Variants in RNASE2 observed in about 807,000 individuals in gnomAD.
RNASE2 encodes the protein non-secretory ribonuclease.
For missense variants in RNASE2, 170 were observed against 197.9 expected, an observed-to-expected ratio of 0.86 and a Z score of 0.85; for synonymous variants, 67 against 68.9, an observed-to-expected ratio of 0.97 and a Z score of 0.13.
At chr14:20,955,741 T>A in intron 1 of RNASE2, 26 bp from the exon 2 acceptor site, 3 of 1,576,858 alleles carry the variant, frequency 1.9e-6, no homozygotes, top group Non-Finnish European at 2.6e-6. Context: ...GATCAGGGAG[T>A]AGTTACTTCT....
In RNASE2 at chr14:20,956,061, A is replaced by C; in HGVS notation, c.290A>C (p.Asn97Thr). Residue 97 changes from asparagine (N) to threonine (T), a missense_variant, in exon 2 of 2, where the codon AAT (asparagine) becomes ACT (threonine). Asn to Thr is a moderately conservative substitution (Grantham distance 65). Transcript: ENST00000304625. ...MTCPSNKTRK[N>T]CHHSGSQVPL... is the part of the protein sequence containing the mutation. ...TGTCCTAGTAACAAAACTCGCAAAA[A>C]TTGTCACCACAGTGGAAGCCAGGTG... The C allele has an allele frequency of 6.2e-7, 1 of 1,614,224 alleles. No individual in the cohort carries two copies. The highest frequency in any genetic ancestry group is 8.5e-7 in the Non-Finnish European group (1 of 1,180,042).
intron 1 of RNASE2, 60 bp downstream of exon 1, chr14:20,955,596 G>C: frequency 1.2e-6 from 1 of 824,022 alleles, no homozygotes; most frequent in Non-Finnish European, 1.9e-6. Flanking sequence ...GCAACTGAGG[G>C]AGAAGAGAGC....
In RNASE2 at chr14:20,956,048, A is replaced by G; in HGVS notation, c.277A>G (p.Lys93Glu). The G allele has an allele frequency of 6.2e-7, 1 of 1,614,244 alleles. No individual in the cohort carries two copies. Among genetic ancestry groups the G allele is most frequent in the South Asian group, 1.1e-5 (1 of 91,084 alleles). Residue 93 changes from lysine (K) to glutamate (E), a missense_variant, in exon 2 of 2, where the codon AAA (lysine) becomes GAA (glutamate). Lys to Glu is a moderately conservative substitution (Grantham distance 56, BLOSUM62 1). Coordinates refer to ENST00000304625, the MANE Select transcript of RNASE2 (RefSeq NM_002934.3). ...GNPNMTCPSN[K>E]TRKNCHHSGS... Reference sequence around the variant, plus strand: ...CCCAAATATGACCTGTCCTAGTAACAAAACTCGCAAAAATTGTCACCACAG... The same window carrying G: ...CCCAAATATGACCTGTCCTAGTAACGAAACTCGCAAAAATTGTCACCACAG...
In RNASE2 at chr14:20,956,401, C is replaced by T. The variant is rs887023202; in HGVS notation, c.*144C>T. On this transcript the variant is annotated 3_prime_UTR_variant, in exon 2 of 2. Coordinates refer to ENST00000304625, the MANE Select transcript of RNASE2 (RefSeq NM_002934.3). Reference sequence around the variant, plus strand: ...CTTCAGCTTTCCTGAGCTGAAGTGCCTTGTGAACCCTGCAATAAACTGCTT... The same window carrying T: ...CTTCAGCTTTCCTGAGCTGAAGTGCTTTGTGAACCCTGCAATAAACTGCTT... 26 of 1,193,468 alleles carry T rather than the reference C, an allele frequency of 2.2e-5. No homozygotes were observed. The highest frequency in any genetic ancestry group is 3.1e-5 in the Non-Finnish European group (26 of 842,058). 73.9% of individuals were successfully genotyped at this position (1,193,468 alleles called of 1,614,324 possible).
At position 20,956,360 on chromosome 14, in the gene RNASE2, A is replaced by C. The variant is rs991668278; in HGVS notation, c.*103A>C. 6.7e-7 allele frequency: 1 copy of C among 1,499,068 alleles called. No individual in the cohort carries two copies. The highest frequency in any genetic ancestry group is 1.3e-5 in the South Asian group (1 of 76,478). The allele number at this position is 1,499,068 out of a possible 1,614,324, so 92.9% of individuals were successfully genotyped here. A position where few individuals can be genotyped will look rare whatever the true frequency, so the allele number is the denominator to read the frequency against. ...ACTTTGGGTATCAGCATCTGTCCTC[A>C]TCAGTCTCCATACCCCTTCAGCTTT... On this transcript the variant is annotated 3_prime_UTR_variant, in exon 2 of 2. Transcript: ENST00000304625.
chr14:20,956,338 T>G lies in RNASE2; in HGVS notation c.*81T>G. 1 of 1,562,522 alleles carries G rather than the reference T, an allele frequency of 6.4e-7. No individual in the cohort carries two copies. The highest frequency in any genetic ancestry group is 8.7e-7 in the Non-Finnish European group (1 of 1,153,668). On this transcript the variant is annotated 3_prime_UTR_variant, in exon 2 of 2. Coordinates refer to ENST00000304625, the MANE Select transcript of RNASE2 (RefSeq NM_002934.3). The stretch of plus-strand genomic sequence containing the variant: ...CCAAGATCCCATCTCTCCATATACT[T>G]TGGGTATCAGCATCTGTCCTCATCA...
intron 1 of RNASE2, 32 bp downstream of exon 1, chr14:20,955,568 A>AGGGGCAGCAAT: frequency 1.5e-6 from 1 of 645,356 alleles, no homozygotes; most frequent in East Asian, 2.7e-5. Flanking sequence ...CTGGGACAGA[A>AGGGGCAGCAAT]GGGGCAGCAA....
In RNASE2 at chr14:20,955,918, A is replaced by C. The variant is rs185582106; in HGVS notation, c.147A>C (p.Gln49His). ...AGCACATCAATATGACCTCCCAGCA[A>C]TGCACCAATGCAATGCAGGTCATTA... ...ETQHINMTSQ[Q>H]CTNAMQVINN... Residue 49 changes from glutamine (Q) to histidine (H), a missense_variant, in exon 2 of 2, where the codon CAA becomes CAC. Coordinates refer to ENST00000304625, the MANE Select transcript of RNASE2 (RefSeq NM_002934.3). 1 of 1,614,192 alleles carries C rather than the reference A, an allele frequency of 6.2e-7. No individual in the cohort carries two copies. The highest frequency in any genetic ancestry group is 8.5e-7 in the Non-Finnish European group (1 of 1,180,010).
rs751391803 is a variant in RNASE2 at position 20,955,952 on chromosome 14, C to T, written c.181C>T (p.Gln61Ter). Reference protein sequence around the residue: ...TNAMQVINNYQRRCKNQNTFL... With the variant: ...TNAMQVINNY ...TGCAATGCAGGTCATTAACAATTAT[C>T]AACGGCGATGCAAAAACCAAAATAC... Residue 61 changes from glutamine (Q) to a stop codon, truncating the protein, a stop_gained, in exon 2 of 2, where the codon CAA (glutamine) becomes TAA (stop). Transcript: ENST00000304625. LOFTEE classifies it low-confidence loss of function (END_TRUNC). The T allele has an allele frequency of 6.2e-7, 1 of 1,614,182 alleles. No individual in the cohort carries two copies.
At chr14:20,955,652 T>C in intron 1 of RNASE2, 115 bp from the exon 2 acceptor site, 1 of 1,357,298 alleles carries the variant, frequency 7.4e-7, no homozygotes, top group African/African-American at 1.5e-5. Context: ...AGACAGGAAG[T>C]AAAGGAAATG....
intron 1 of RNASE2, 74 bp downstream of exon 1, chr14:20,955,610 C>A: frequency 2.2e-6 from 2 of 913,256 alleles, no homozygotes; most frequent in South Asian, 1.7e-5. Context: ...AGAGAGCTGA[C>A]GTTAGTGCTT....
intron 1 of RNASE2, 45 bp downstream of exon 1, chr14:20,955,581 G>C: frequency 1.4e-6 from 1 of 714,504 alleles, no homozygotes; most frequent in Non-Finnish European, 2.3e-6. Flanking sequence ...GGCAGCAATG[G>C]GGCAGCAACT....
chr14:20,956,344 A>T lies in RNASE2; in HGVS notation c.*87A>T. On this transcript the variant is annotated 3_prime_UTR_variant, in exon 2 of 2. Coordinates refer to ENST00000304625, the MANE Select transcript of RNASE2 (RefSeq NM_002934.3). The stretch of plus-strand genomic sequence containing the variant: ...TCCCATCTCTCCATATACTTTGGGT[A>T]TCAGCATCTGTCCTCATCAGTCTCC... The T allele has an allele frequency of 6.4e-7, 1 of 1,553,680 alleles. No individual in the cohort carries two copies. Among genetic ancestry groups the T allele is most frequent in the South Asian group, 1.2e-5 (1 of 80,130 alleles).
chr14:20,956,409 C>G lies in RNASE2; in HGVS notation c.*152C>G, dbSNP rs939947482. ...TTCCTGAGCTGAAGTGCCTTGTGAA[C>G]CCTGCAATAAACTGCTTTGCAAATT... is the stretch of plus-strand genomic sequence containing the variant. On this transcript the variant is annotated 3_prime_UTR_variant, in exon 2 of 2. Coordinates refer to ENST00000304625, the MANE Select transcript of RNASE2 (RefSeq NM_002934.3). 3 of 1,137,602 alleles carry G rather than the reference C, an allele frequency of 2.6e-6. No homozygotes were observed. The highest frequency in any genetic ancestry group is 1.5e-5 in the South Asian group (1 of 64,942). 70.5% of individuals were successfully genotyped at this position (1,137,602 alleles called of 1,614,324 possible).
Position 20,955,911 on chromosome 14 carries a change from C to T in RNASE2, c.140C>T (p.Ser47Phe), listed in dbSNP as rs1237034923. The T allele has an allele frequency of 6.2e-7, 1 of 1,614,188 alleles. No homozygotes were observed. The highest frequency in any genetic ancestry group is 1.7e-5 in the Admixed American group (1 of 60,028). Residue 47 changes from serine to phenylalanine, a missense_variant, in exon 2 of 2, where the codon TCC becomes TTC. Physicochemically the swap from Ser to Phe is radical, Grantham distance 155. Coordinates refer to ENST00000304625, the MANE Select transcript of RNASE2 (RefSeq NM_002934.3). ...GAAACCCAGCACATCAATATGACCT[C>T]CCAGCAATGCACCAATGCAATGCAG... is the stretch of plus-strand genomic sequence containing the variant. ...WFETQHINMT[S>F]QQCTNAMQVI...
chr14:20,955,730 C>G, intron 1 of RNASE2, 37 bp from the exon 2 acceptor site: 3 of 1,567,776 alleles, frequency 1.9e-6, no homozygotes, highest in Non-Finnish European at 1.7e-6. Flanking sequence ...AACCAAGACC[C>G]GATCAGGGAG....
chr14:20,956,098 C>G lies in RNASE2; in HGVS notation c.327C>G (p.His109Gln), dbSNP rs1462676835. 1 of 1,614,122 alleles carries G rather than the reference C, an allele frequency of 6.2e-7. No homozygotes were observed. The highest frequency in any genetic ancestry group is 8.5e-7 in the Non-Finnish European group (1 of 1,180,052). The change falls in exon 2 of 2, where the codon CAC becomes CAG. Residue 109 changes from histidine (H) to glutamine (Q), a missense_variant. Physicochemically the swap from His to Gln is conservative, Grantham distance 24. Coordinates refer to ENST00000304625, the MANE Select transcript of RNASE2 (RefSeq NM_002934.3). ...GTGGAAGCCAGGTGCCTTTAATCCA[C>G]TGTAACCTCACAACTCCAAGTCCAC... ...HHSGSQVPLI[H>Q]CNLTTPSPQN...
chr14:20,955,695 G>A, intron 1 of RNASE2, 72 bp from the exon 2 acceptor site: 5 of 1,524,266 alleles, frequency 3.3e-6, no homozygotes, highest in Non-Finnish European at 4.4e-6. Context: ...GGGCCTGTGG[G>A]GTAAGACACT....
chr14:20,955,762 T>G lies in RNASE2; in HGVS notation c.-5-5T>G. ...GGAGTAGTTACTTCTCTTCTTTTCTTACAGGAAACATGGTTCCAAAACTGT... is the reference window on the plus strand; with the variant it reads ...GGAGTAGTTACTTCTCTTCTTTTCTGACAGGAAACATGGTTCCAAAACTGT... On this transcript the variant is annotated splice_polypyrimidine_tract_variant and splice_region_variant and intron_variant, in intron 1 of 1. Transcript: ENST00000304625. The G allele has an allele frequency of 6.3e-7, 1 of 1,597,788 alleles. No individual in the cohort carries two copies. The highest frequency in any genetic ancestry group is 2.2e-5 in the East Asian group (1 of 44,756).
Sources: gnomAD v4.1 joint callset for allele counts on GRCh38, gnomAD v4.1.1 for gene constraint, MANE v1.5 for transcripts, NCBI Gene and HGNC (gene_info 2026-07-23, HGNC 2026-07-21) for gene names.